The following ALKBH1 variants were observed in gnomAD, a reference collection of about 807,000 sequenced individuals.
ALKBH1 encodes nucleic acid dioxygenase ALKBH1.
ALKBH1 carries 31 observed loss-of-function variants against 36.6 expected under a neutral mutation model. That is an observed-to-expected ratio of 0.85 (90% CI 0.64 to 1.14). ALKBH1 has a LOEUF of 1.14. ALKBH1 is among the 50% of genes most tolerant of loss of function. The pLI, the probability that ALKBH1 is intolerant of heterozygous loss-of-function variation, is 0.00. For missense variants in ALKBH1, 490 were observed against 497.3 expected, an observed-to-expected ratio of 0.99 and a Z score of 0.14; for synonymous variants, 183 against 186.6, an observed-to-expected ratio of 0.98 and a Z score of 0.16.
At chr14:77,674,571 C>G (rs960763234) in intron 5 of ALKBH1, among the ~76,000 whole-genome samples, 1 of 151,916 alleles carries the variant, frequency 6.6e-6, no homozygotes, top group Non-Finnish European at 1.5e-5. Flanking sequence ...AAAGACAGAG[C>G]CTTATTTCGT....
At chr14:77,702,978 C>G (rs1282575853) in intron 2 of ALKBH1, among the ~76,000 whole-genome samples, 1 of 152,044 alleles carries the variant, frequency 6.6e-6, no homozygotes, top group Non-Finnish European at 1.5e-5. Context: ...AACATGAAAC[C>G]CTGTCTCTAC....
chr14:77,683,818 C>T lies in ALKBH1; in HGVS notation c.456-3848G>A, dbSNP rs1443015042. 3.5e-5 allele frequency: 6 copies of T among 170,344 alleles called. No individual in the cohort carries two copies. In the South Asian group the frequency reaches 4.7e-4, roughly 13 times the overall value. The allele number at this position is 170,344 out of a possible 1,614,324, so 10.6% of individuals were successfully genotyped here. ...AACTGCTGACCTCAGGTGATCCAAA[C>T]GCCTCAGCCTCCCAAAGTGCTGGGA... On this transcript the variant is annotated intron_variant, in intron 3 of 5. Coordinates refer to ENST00000216489, the MANE Select transcript of ALKBH1 (RefSeq NM_006020.3).
At chr14:77,692,509 C>T (rs1207606258) in intron 3 of ALKBH1, among the ~76,000 whole-genome samples, 1 of 152,184 alleles carries the variant, frequency 6.6e-6, no homozygotes, top group East Asian at 1.9e-4. Context: ...CAACAGGGTT[C>T]GCGCTCCTAT....
rs2080200691 is a variant in ALKBH1, at chr14:77,675,576, G to C, written c.740+80C>G. The stretch of plus-strand genomic sequence containing the variant: ...ACCACTTTTTTAAAGTTAAATACCT[G>C]TATTTATTTTAGAGTAAAATGTCTT... On this transcript the variant is annotated intron_variant, in intron 5 of 5. Coordinates refer to ENST00000216489, the MANE Select transcript of ALKBH1 (RefSeq NM_006020.3). The C allele has an allele frequency of 5.4e-6, 7 of 1,302,388 alleles. No individual in the cohort carries two copies. In the South Asian group the frequency reaches 7.6e-5, roughly 14 times the overall value. 80.7% of individuals were successfully genotyped at this position (1,302,388 alleles called of 1,614,324 possible).
chr14:77,694,859 A>G lies in ALKBH1; in HGVS notation c.334T>C (p.Trp112Arg), dbSNP rs376909666. 1.2e-5 allele frequency: 19 copies of G among 1,584,152 alleles called. No individual in the cohort carries two copies. In the African/African-American group the frequency reaches 2.6e-4, roughly 21 times the overall value. ...TTAAGGCACTGTTTCACCCAGTGCC[A>G]CTGGTAACCTGGGAGGAAGGGGTTT... ...IPNPFLPGYQ[W>R]HWVKQCLKLY... The change falls in exon 3 of 6, where the codon TGG (tryptophan) becomes CGG (arginine). Residue 112 changes from tryptophan to arginine, a missense_variant. Physicochemically the swap from Trp to Arg is moderately radical, Grantham distance 101 (BLOSUM62 -3). Coordinates refer to ENST00000216489, the MANE Select transcript of ALKBH1 (RefSeq NM_006020.3).
chr14:77,703,140 T>C (rs2080368615), intron 2 of ALKBH1, among the ~76,000 whole-genome samples: 1 of 151,758 alleles, frequency 6.6e-6, no homozygotes, highest in Admixed American at 6.6e-5. Context: ...AGTGAGACTG[T>C]CTGGGAAAAA....
At chr14:77,692,087 C>T (rs921206952) in intron 3 of ALKBH1, 1 of 152,166 alleles carries the variant, frequency 6.6e-6, no homozygotes, top group African/African-American at 2.4e-5. Flanking sequence ...TTTCTGAAAA[C>T]TACAAAATTA....
chr14:77,696,694 T>C (rs2080329070), intron 2 of ALKBH1: 1 of 152,386 alleles, frequency 6.6e-6, no homozygotes, highest in African/African-American at 2.4e-5. Flanking sequence ...GAGAGCTCTG[T>C]TCCTGTCACC....
chr14:77,688,403 G>A (rs989653897), intron 3 of ALKBH1, among the ~76,000 whole-genome samples: 6 of 151,886 alleles, frequency 4.0e-5, no homozygotes, highest in Non-Finnish European at 5.9e-5. Flanking sequence ...CTAGAGGTGC[G>A]TGCTGCCATG....
chr14:77,686,053 A>G (rs1595051909), intron 3 of ALKBH1, among the ~76,000 whole-genome samples: 2 of 152,188 alleles, frequency 1.3e-5, no homozygotes, highest in East Asian at 3.8e-4. Context: ...AAAGGAAAGT[A>G]GCAACAACTC....
Position 77,704,299 on chromosome 14 carries a change from A to G in ALKBH1, c.292+70T>C. 3.6e-6 allele frequency: 4 copies of G among 1,112,832 alleles called. No individual in the cohort carries two copies. The South Asian group carries it at 5.0e-5, about 14-fold the overall frequency. 68.9% of individuals were successfully genotyped at this position (1,112,832 alleles called of 1,614,324 possible). A position where few individuals can be genotyped will look rare whatever the true frequency, so the allele number is the denominator to read the frequency against. On this transcript the variant is annotated intron_variant, in intron 2 of 5. Coordinates refer to ENST00000216489, the MANE Select transcript of ALKBH1 (RefSeq NM_006020.3). ...GTCTATTTACTTGCTCACACACAGT[A>G]CCTTCTTTGAAGACATGAAGACATA...
At position 77,694,837 on chromosome 14, in the gene ALKBH1, A is replaced by C; in HGVS notation, c.356T>G (p.Leu119Arg). The C allele has an allele frequency of 6.2e-7, 1 of 1,607,674 alleles. No homozygotes were observed. The change falls in exon 3 of 6, where the codon CTT becomes CGT. Residue 119 changes from leucine to arginine, a missense_variant. Coordinates refer to ENST00000216489, the MANE Select transcript of ALKBH1 (RefSeq NM_006020.3). ...GYQWHWVKQC[L>R]KLYSQKPNVC... ...ATTAGGTTTCTGGGAATATAACTTA[A>C]GGCACTGTTTCACCCAGTGCCACTG...
chr14:77,675,915 A>C, intron 4 of ALKBH1, 66 bp from the exon 5 acceptor site: 1 of 1,276,114 alleles, frequency 7.8e-7, no homozygotes, highest in Non-Finnish European at 1.1e-6. Context: ...AAACTATAAG[A>C]TTAATTACCA....
At chr14:77,683,488 A>ACT in intron 3 of ALKBH1, 2 of 705,284 alleles carry the variant, frequency 2.8e-6, no homozygotes, top group East Asian at 5.3e-5. Context: ...AACACTGTAG[A>ACT]CTCTTCCAGT....
At chr14:77,678,987 T>C (rs1272603889) in intron 4 of ALKBH1, among the ~76,000 whole-genome samples, 2 of 152,050 alleles carry the variant, frequency 1.3e-5, no homozygotes, top group Admixed American at 6.6e-5. Flanking sequence ...GGCTAATTTT[T>C]CTATTTTTTG....
In ALKBH1 at chr14:77,675,834, G is replaced by T; in HGVS notation, c.562C>A (p.His188Asn). 1 of 1,613,090 alleles carries T rather than the reference G, an allele frequency of 6.2e-7. No homozygotes were observed. Among genetic ancestry groups the T allele is most frequent in the Non-Finnish European group, 8.5e-7 (1 of 1,179,074 alleles). Residue 188 changes from histidine to asparagine, a missense_variant, in exon 5 of 6, where the codon CAT becomes AAT. Transcript: ENST00000216489. Reference sequence around the variant, plus strand: ...AGGTCAGAAGGGAAAGGTGTGTAATGATCTGCTGAGTATTTCTTTGGTAAA... The same window carrying T: ...AGGTCAGAAGGGAAAGGTGTGTAATTATCTGCTGAGTATTTCTTTGGTAAA... ...NWDSKKYSADHYTPFPSDLGF... is the reference protein window; with the variant it reads ...NWDSKKYSADNYTPFPSDLGF...
intron 3 of ALKBH1, among the ~76,000 whole-genome samples, chr14:77,692,965 G>T (rs888088074): frequency 2.0e-5 from 3 of 151,700 alleles, no homozygotes; most frequent in Middle Eastern, 3.2e-3. Flanking sequence ...CAGCACTTTG[G>T]GAGGCCGAGG....
chr14:77,702,883 G>A (rs537054465), intron 2 of ALKBH1, among the ~76,000 whole-genome samples: 13 of 152,120 alleles, frequency 8.5e-5, no homozygotes, highest in African/African-American at 2.7e-4. Context: ...GGCCAGGTGA[G>A]GTGTCTCACG....
At position 77,673,444 on chromosome 14, in the gene ALKBH1, GTAT is replaced by G. The variant is rs1293323919; in HGVS notation, c.*365_*367del. On this transcript the variant is annotated 3_prime_UTR_variant, in exon 6 of 6. Transcript: ENST00000216489. The stretch of plus-strand genomic sequence containing the variant: ...CAGATGGAGTGGAGGGAGGGGTACT[GTAT>G]TTCTCATTAATAAAATCTGAGGTAT... 1 of 201,350 alleles carries G rather than the reference GTAT, an allele frequency of 5.0e-6. No homozygotes were observed. The highest frequency in any genetic ancestry group is 1.0e-5 in the Non-Finnish European group (1 of 97,688). 12.5% of individuals were successfully genotyped at this position (201,350 alleles called of 1,614,324 possible).
Sources: allele counts gnomAD v4.1 joint callset (sites outside exome capture counted in the v4.1 genomes callset), GRCh38; gene constraint gnomAD v4.1.1; transcripts MANE v1.5; gene names NCBI Gene and HGNC (gene_info 2026-07-23, HGNC 2026-07-21).